The following SUGCT variants were observed in gnomAD, a reference collection of about 807,000 sequenced individuals.
SUGCT encodes the protein succinyl-CoA:glutarate-CoA transferase, also known as succinyl-CoA:glutarate CoA-transferase.
In SUGCT, 41 loss-of-function variants were observed where a neutral mutation model predicts 55.0. The ratio of observed to expected loss-of-function variants is 0.74; its 90% confidence interval spans 0.58 to 0.97. SUGCT has a LOEUF of 0.97. Ranked by LOEUF, SUGCT falls within the 50% of genes least tolerant of loss-of-function variation. SUGCT has a pLI of 0.00. For missense variants in SUGCT, 568 were observed against 547.8 expected, an observed-to-expected ratio of 1.04 and a Z score of -0.37; for synonymous variants, 187 against 200.4, an observed-to-expected ratio of 0.93 and a Z score of 0.56.
chr7:40,484,048 T>C (rs1242087726), intron 11 of SUGCT, among the ~76,000 whole-genome samples: 2 of 152,218 alleles, frequency 1.3e-5, no homozygotes, highest in Admixed American at 6.5e-5. Flanking sequence ...ACAACTACTA[T>C]AATTTCCTTA....
At chr7:40,898,684 G>A in the SUGCT span, among the ~76,000 whole-genome samples, 7 of 151,746 alleles carry the variant, frequency 4.6e-5, no homozygotes, top group Admixed American at 3.9e-4. Flanking sequence ...AGATCGCGCC[G>A]CGAGACTCCG....
the SUGCT span, among the ~76,000 whole-genome samples, chr7:40,940,148 T>C: frequency 6.6e-6 from 1 of 152,202 alleles, no homozygotes; most frequent in East Asian, 1.9e-4. Flanking sequence ...TTCCCCAATT[T>C]ATGTTTTTGT....
intron 8 of SUGCT, among the ~76,000 whole-genome samples, chr7:40,289,254 A>T (rs1793567758): frequency 6.6e-6 from 1 of 152,176 alleles, no homozygotes; most frequent in Admixed American, 6.5e-5. Flanking sequence ...AGGCGAGAGT[A>T]TCAGAATCAT....
chr7:40,749,618 C>A, intron 13 of SUGCT, 121 bp downstream of exon 13: 1 of 773,264 alleles, frequency 1.3e-6, no homozygotes, highest in Admixed American at 2.2e-5. Context: ...AAATTTATAA[C>A]ATTGGGTAAA....
At chr7:40,868,341 G>C in the SUGCT span, among the ~76,000 whole-genome samples, 3 of 152,040 alleles carry the variant, frequency 2.0e-5, no homozygotes, top group Admixed American at 6.6e-5. Flanking sequence ...AACAGGCCCT[G>C]GTGTGTGTTG....
At chr7:40,841,099 T>C (rs1793255971) in intron 13 of SUGCT, among the ~76,000 whole-genome samples, 1 of 152,116 alleles carries the variant, frequency 6.6e-6, no homozygotes, top group Non-Finnish European at 1.5e-5. Flanking sequence ...TTTTTTTCTT[T>C]TATGAGATTC....
chr7:40,772,543 T>TATCTATCTATCTATCTATC (rs1562994101), intron 13 of SUGCT, among the ~76,000 whole-genome samples: 14 of 150,208 alleles, frequency 9.3e-5, no homozygotes, highest in Non-Finnish European at 4.5e-5. Flanking sequence ...TCTATCTATC[T>TATCTATCTATCTATCTATC]ATCTATCTAT....
At chr7:40,167,235 T>C (rs1431593783) in intron 1 of SUGCT, among the ~76,000 whole-genome samples, 2 of 152,212 alleles carry the variant, frequency 1.3e-5, no homozygotes, top group Non-Finnish European at 1.5e-5. Flanking sequence ...AGAATCATTA[T>C]GCTTAAAGAG....
At chr7:40,647,178 A>G (rs1800560166) in intron 12 of SUGCT, among the ~76,000 whole-genome samples, 1 of 152,186 alleles carries the variant, frequency 6.6e-6, no homozygotes, top group South Asian at 2.1e-4. Context: ...TCTAACATTA[A>G]ATCACTATTA....
chr7:40,943,668 C>A, the SUGCT span, among the ~76,000 whole-genome samples: 6 of 149,738 alleles, frequency 4.0e-5, no homozygotes, highest in South Asian at 2.1e-4. Context: ...TTTTCTTAAT[C>A]CAGTCTATCA....
At chr7:40,755,613 G>A (rs1163660214) in intron 13 of SUGCT, among the ~76,000 whole-genome samples, 1 of 152,172 alleles carries the variant, frequency 6.6e-6, no homozygotes, top group Admixed American at 6.5e-5. Flanking sequence ...GTACTGTGGA[G>A]GTGCCAAGTT....
At chr7:40,453,471 A>C (rs1006819862) in intron 10 of SUGCT, among the ~76,000 whole-genome samples, 4 of 152,226 alleles carry the variant, frequency 2.6e-5, no homozygotes, top group Admixed American at 2.0e-4. Flanking sequence ...CATATGCACT[A>C]ATTTGATCCT....
chr7:40,648,528 G>A (rs910812539), intron 12 of SUGCT, among the ~76,000 whole-genome samples: 3 of 152,132 alleles, frequency 2.0e-5, no homozygotes, highest in African/African-American at 7.2e-5. Context: ...ACCTGTGTCT[G>A]GTACCTGTGA....
the SUGCT span, among the ~76,000 whole-genome samples, chr7:40,991,840 C>G: frequency 1.3e-5 from 2 of 152,076 alleles, no homozygotes; most frequent in African/African-American, 4.8e-5. Flanking sequence ...GAGCCTTTCC[C>G]TCTTCTGCAT....
chr7:40,552,859 A>G (rs1795372674), intron 12 of SUGCT, among the ~76,000 whole-genome samples: 1 of 143,160 alleles, frequency 7.0e-6, no homozygotes, highest in South Asian at 2.2e-4. Context: ...TAATCACAGG[A>G]TTGGAGAAAT....
intron 11 of SUGCT, among the ~76,000 whole-genome samples, chr7:40,462,017 A>G (rs1789830343): frequency 6.6e-6 from 1 of 152,210 alleles, no homozygotes. Context: ...CGCTCAAGAA[A>G]TATTTATTGA....
chr7:40,685,077 A>G (rs1434055854), intron 12 of SUGCT, among the ~76,000 whole-genome samples: 4 of 152,114 alleles, frequency 2.6e-5, no homozygotes, highest in Non-Finnish European at 5.9e-5. Context: ...GGCTGGTCTC[A>G]AACTCCTGAC....
At chr7:40,585,873 GT>G (rs770668652) in intron 12 of SUGCT, among the ~76,000 whole-genome samples, 1 of 151,974 alleles carries the variant, frequency 6.6e-6, no homozygotes, top group Non-Finnish European at 1.5e-5. Flanking sequence ...AGAGATGAGG[GT>G]TTTGTCACGT....
intron 7 of SUGCT, among the ~76,000 whole-genome samples, chr7:40,267,984 C>A (rs942304021): frequency 6.6e-6 from 1 of 152,100 alleles, no homozygotes; most frequent in Non-Finnish European, 1.5e-5. Flanking sequence ...AAGAAAACTT[C>A]TAGAATTTTT....
Sources: allele counts gnomAD v4.1 joint callset (sites outside exome capture counted in the v4.1 genomes callset), GRCh38; gene constraint gnomAD v4.1.1; transcripts MANE v1.5; gene names NCBI Gene and HGNC (gene_info 2026-07-23, HGNC 2026-07-21).